P2RX7: variants seen among roughly 807,000 people sequenced by gnomAD.
P2RX7 encodes the protein P2X purinoceptor 7.
In P2RX7, 62 loss-of-function variants were observed where a neutral mutation model predicts 71.6. That is an observed-to-expected ratio of 0.87 (90% CI 0.71 to 1.07). The LOEUF is 1.07. Ranked by LOEUF, P2RX7 falls within the 50% of genes least tolerant of loss-of-function variation. The pLI is 0.00. For missense variants in P2RX7, 686 were observed against 748.5 expected, an observed-to-expected ratio of 0.92 and a Z score of 0.97; for synonymous variants, 299 against 283.3, an observed-to-expected ratio of 1.06 and a Z score of -0.56.
chr12:121,134,975 A>G (rs1290970787), intron 1 of P2RX7, among the ~76,000 whole-genome samples: 1 of 152,124 alleles, frequency 6.6e-6, no homozygotes. Flanking sequence ...CAAAAAAAAA[A>G]GGCATGAACA....
chr12:121,152,365 G>T (rs986752542), intron 1 of P2RX7, among the ~76,000 whole-genome samples: 52 of 151,122 alleles, frequency 3.4e-4, no homozygotes, highest in Non-Finnish European at 1.0e-4. Context: ...GTCTCACTCT[G>T]TTGCCCAGGC....
At position 121,154,740 on chromosome 12, in the gene P2RX7, C is replaced by T. The variant is rs376579155; in HGVS notation, c.126-45C>T. The T allele has an allele frequency of 3.8e-6, 5 of 1,329,330 alleles. No individual in the cohort carries two copies. The highest frequency in any genetic ancestry group is 5.4e-6 in the Non-Finnish European group (5 of 920,076). The allele number at this position is 1,329,330 out of a possible 1,614,324, so 82.3% of individuals were successfully genotyped here. ...CCTCCAACGCCTGCATCCCAACCCG[C>T]TGTGCTATGCCTCCCGTTGATGCTT... is the stretch of plus-strand genomic sequence containing the variant. On this transcript the variant is annotated intron_variant, in intron 1 of 12. Transcript: ENST00000328963. The surrounding 1 kb of genome is among the most constrained non-coding windows in gnomAD (Gnocchi z 4.2).
At chr12:121,180,309 A>T in intron 11 of P2RX7, 45 bp from the exon 12 acceptor site, 1 of 1,148,978 alleles carries the variant, frequency 8.7e-7, no homozygotes, top group Non-Finnish European at 1.3e-6. Context: ...AATTCTTGAT[A>T]ATTCTGTACA....
intron 5 of P2RX7, among the ~76,000 whole-genome samples, chr12:121,163,317 A>C (rs1016314556): frequency 3.4e-5 from 5 of 146,806 alleles, no homozygotes; most frequent in Non-Finnish European, 7.4e-5. Context: ...AGCCCCATGC[A>C]TGCCTGGCTT....
chr12:121,144,910 G>C lies in P2RX7; in HGVS notation c.126-9875G>C, dbSNP rs185927082. On this transcript the variant is annotated intron_variant, in intron 1 of 12. Transcript: ENST00000328963. The stretch of plus-strand genomic sequence containing the variant: ...GTACTGGAATAACTTGCTGGGATAG[G>C]AAATGCAGGAGAAACAGCCAATTTG... Among the ~76,000 whole-genome samples, 364 of 152,266 alleles carry C rather than the reference G, an allele frequency of 2.4e-3. 1 individual carries two copies. The highest frequency in any genetic ancestry group is 8.2e-3 in the African/African-American group (339 of 41,544).
chr12:121,177,240 G>C (rs556740374), intron 10 of P2RX7, 28 bp downstream of exon 10: 1 of 1,614,124 alleles, frequency 6.2e-7, no homozygotes, highest in African/African-American at 1.3e-5. Context: ...CCATGCTTTA[G>C]GAAAATGGTT....
chr12:121,175,326 A>AAAAAAAG, intron 8 of P2RX7, 62 bp from the exon 9 acceptor site: 2 of 1,025,170 alleles, frequency 2.0e-6, no homozygotes, highest in Non-Finnish European at 2.9e-6. Flanking sequence ...AAAAAAAAAA[A>AAAAAAAG]AAACCCAAAA....
chr12:121,145,056 A>G (rs1384736300), intron 1 of P2RX7, among the ~76,000 whole-genome samples: 1 of 152,192 alleles, frequency 6.6e-6, no homozygotes, highest in African/African-American at 2.4e-5. Flanking sequence ...AGGTTTCTAT[A>G]TCACCAGCAT....
intron 1 of P2RX7, among the ~76,000 whole-genome samples, chr12:121,133,924 A>G (rs1376996009): frequency 6.6e-6 from 1 of 151,878 alleles, no homozygotes; most frequent in African/African-American, 2.4e-5. Flanking sequence ...GGGTCTCACT[A>G]TTTTGTCCAG....
At chr12:121,135,194 TG>T (rs1275886567) in intron 1 of P2RX7, among the ~76,000 whole-genome samples, 1 of 151,484 alleles carries the variant, frequency 6.6e-6, no homozygotes, top group East Asian at 1.9e-4. Flanking sequence ...CAAAAATTAG[TG>T]GGGAGTGGTG....
At chr12:121,138,840 T>C (rs1874246225) in intron 1 of P2RX7, among the ~76,000 whole-genome samples, 1 of 152,258 alleles carries the variant, frequency 6.6e-6, no homozygotes, top group Non-Finnish European at 1.5e-5. Flanking sequence ...TCTTGGCCCA[T>C]GGAGGTTGCC....
In P2RX7 at chr12:121,156,068, C is replaced by T. The variant is rs199903601; in HGVS notation, c.295-11C>T. On this transcript the variant is annotated splice_polypyrimidine_tract_variant and intron_variant, in intron 2 of 12. Transcript: ENST00000328963. ...AGGCCTTGCATTTTCTTAGCCTCTC[C>T]TTCTCCACAGGGGAACTCTTTCTTC... 145 of 1,612,734 alleles carry T rather than the reference C, an allele frequency of 9.0e-5. No individual in the cohort carries two copies. In the African/African-American group the frequency reaches 1.8e-3, roughly 20 times the overall value.
Position 121,180,342 on chromosome 12 carries a change from A to C in P2RX7, c.1189-12A>C. The C allele has an allele frequency of 6.7e-7, 1 of 1,498,018 alleles. No homozygotes were observed. Among genetic ancestry groups the C allele is most frequent in the South Asian group, 1.2e-5 (1 of 81,868 alleles). 92.8% of individuals were successfully genotyped at this position (1,498,018 alleles called of 1,614,324 possible). ...ACAAAAATGGGTAAACTTTCAAACC[A>C]TCTTTTCCTAGACATTAAAGTATGT... On this transcript the variant is annotated splice_polypyrimidine_tract_variant and intron_variant, in intron 11 of 12. Transcript: ENST00000328963.
chr12:121,167,907 G>C (rs1204301038), intron 8 of P2RX7, among the ~76,000 whole-genome samples: 2 of 151,606 alleles, frequency 1.3e-5, no homozygotes, highest in African/African-American at 4.9e-5. Flanking sequence ...CCGCCTCCCA[G>C]GTTCAAGCGA....
chr12:121,173,885 C>T (rs888573613), intron 8 of P2RX7, among the ~76,000 whole-genome samples: 3 of 152,122 alleles, frequency 2.0e-5, no homozygotes, highest in African/African-American at 7.2e-5. Context: ...ATGTAAACAA[C>T]TTCAGCCTTG....
chr12:121,182,531 C>T lies in P2RX7; in HGVS notation c.1291-1774C>T, dbSNP rs541943060. On this transcript the variant is annotated intron_variant, in intron 12 of 12. Coordinates refer to ENST00000328963, the MANE Select transcript of P2RX7 (RefSeq NM_002562.6). Reference sequence around the variant, plus strand: ...GTACAGCATGTTACTGTACTGAATACGGTAAGCAACTGTAACAGAATGGTA... The same window carrying T: ...GTACAGCATGTTACTGTACTGAATATGGTAAGCAACTGTAACAGAATGGTA... 7.8e-4 allele frequency among the ~76,000 whole-genome samples: 118 copies of T among 152,176 alleles called. 1 individual carries two copies. The highest frequency in any genetic ancestry group is 6.8e-3 in the Middle Eastern group (2 of 294).
At chr12:121,163,883 C>T (rs1327597603) in intron 5 of P2RX7, among the ~76,000 whole-genome samples, 5 of 152,190 alleles carry the variant, frequency 3.3e-5, no homozygotes. Context: ...AAAGAGAAAA[C>T]TGCCCCAAGC....
At chr12:121,183,062 A>C (rs1884388177) in intron 12 of P2RX7, among the ~76,000 whole-genome samples, 1 of 151,936 alleles carries the variant, frequency 6.6e-6, no homozygotes, top group Non-Finnish European at 1.5e-5. Flanking sequence ...CTGTAGTCCC[A>C]GCTACTCGGG....
intron 1 of P2RX7, among the ~76,000 whole-genome samples, chr12:121,150,972 G>T (rs145062235): frequency 6.6e-6 from 1 of 152,114 alleles, no homozygotes; most frequent in Non-Finnish European, 1.5e-5. Flanking sequence ...TAACACCCAC[G>T]TACCACCATC....
Sources: allele counts gnomAD v4.1 joint callset (sites outside exome capture counted in the v4.1 genomes callset), GRCh38; gene constraint gnomAD v4.1.1; non-coding constraint Gnocchi (gnomAD v3.1); transcripts MANE v1.5; gene names NCBI Gene and HGNC (gene_info 2026-07-23, HGNC 2026-07-21).